MITF: variants seen among roughly 807,000 people sequenced by gnomAD.
MITF encodes the protein melanocyte inducing transcription factor, also known as microphthalmia-associated transcription factor.
In MITF, 17 loss-of-function variants were observed where a neutral mutation model predicts 60.5. The observed-to-expected ratio is 0.28, with a 90% CI of 0.19 to 0.42. The LOEUF (loss-of-function observed/expected upper bound fraction) is 0.42, where lower values mean the gene tolerates loss of function less well. MITF is among the 10% of genes least tolerant of loss of function. The pLI, the probability that MITF is intolerant of heterozygous loss-of-function variation, is 1.00. For synonymous variants in MITF, 260 were observed against 248.5 expected (o/e 1.05, Z -0.43); for missense variants, 622 against 683.5 (o/e 0.91, Z 1.00).
intron 1 of MITF, among the ~76,000 whole-genome samples, chr3:69,782,385 T>G (rs2062580058): frequency 6.6e-6 from 1 of 152,206 alleles, no homozygotes; most frequent in African/African-American, 2.4e-5. Flanking sequence ...TAGCTAACAT[T>G]TATTGAATGC....
At chr3:69,834,788 C>CT (rs966547864) in intron 1 of MITF, among the ~76,000 whole-genome samples, 15 of 150,802 alleles carry the variant, frequency 9.9e-5, no homozygotes. Flanking sequence ...TACAATCTCT[C>CT]TAACAGTGTG....
intron 1 of MITF, among the ~76,000 whole-genome samples, chr3:69,753,080 G>C (rs910872768): frequency 7.2e-5 from 11 of 152,224 alleles, no homozygotes; most frequent in African/African-American, 2.7e-4. Flanking sequence ...GAAGCCTAGG[G>C]GGACTGAGTC....
At chr3:69,805,946 C>CCA (rs2062998886) in intron 1 of MITF, among the ~76,000 whole-genome samples, 1 of 152,240 alleles carries the variant, frequency 6.6e-6, no homozygotes, top group African/African-American at 2.4e-5. Context: ...TAGGTATGAG[C>CCA]CACCATGCAT....
intron 1 of MITF, chr3:69,763,609 T>C (rs1484178376): frequency 8.2e-7 from 1 of 1,212,846 alleles, no homozygotes. Flanking sequence ...TGGCAGAACG[T>C]CTGCAATCGC....
intron 4 of MITF, 102 bp downstream of exon 4, chr3:69,939,283 ATT>A (rs2065916233): frequency 9.8e-7 from 1 of 1,017,116 alleles, no homozygotes; most frequent in African/African-American, 1.7e-5. Flanking sequence ...TTTTTCCCCC[ATT>A]GTTTTTTTTT....
intron 7 of MITF, among the ~76,000 whole-genome samples, chr3:69,953,604 T>A (rs954492382): frequency 6.8e-6 from 1 of 147,334 alleles, no homozygotes; most frequent in Admixed American, 6.9e-5. Context: ...TATATATGTA[T>A]GTATATGTAT....
chr3:69,855,171 C>T (rs2063894580), intron 1 of MITF, among the ~76,000 whole-genome samples: 1 of 151,112 alleles, frequency 6.6e-6, no homozygotes, highest in Non-Finnish European at 1.5e-5. Context: ...CCCTAAACCC[C>T]TCCTAATCCA....
chr3:69,750,501 T>G (rs1414018135), intron 1 of MITF, among the ~76,000 whole-genome samples: 1 of 150,900 alleles, frequency 6.6e-6, no homozygotes, highest in Non-Finnish European at 1.5e-5. Context: ...CTAAATGTAT[T>G]CTGATCTGGT....
chr3:69,793,383 A>C (rs774106153), intron 1 of MITF, among the ~76,000 whole-genome samples: 1 of 150,306 alleles, frequency 6.7e-6, no homozygotes, highest in Non-Finnish European at 1.5e-5. Context: ...TGTATAGTGA[A>C]GGATTTCTCA....
chr3:69,876,483 T>C (rs1018621695), intron 1 of MITF, among the ~76,000 whole-genome samples: 1 of 152,050 alleles, frequency 6.6e-6, no homozygotes, highest in African/African-American at 2.4e-5. Flanking sequence ...GAAGGTACAT[T>C]TGAGCTTTGA....
chr3:69,891,264 C>T (rs2064754098), intron 2 of MITF, among the ~76,000 whole-genome samples: 1 of 152,116 alleles, frequency 6.6e-6, no homozygotes, highest in East Asian at 1.9e-4. Context: ...TTATTGACAC[C>T]TGGGACTCCC....
intron 1 of MITF, among the ~76,000 whole-genome samples, chr3:69,807,441 G>A (rs956223606): frequency 2.0e-5 from 3 of 152,156 alleles, no homozygotes; most frequent in Admixed American, 6.5e-5. Flanking sequence ...AAGCAGATTC[G>A]TGAACTGTGC....
At chr3:69,829,068 G>C (rs2063403693) in intron 1 of MITF, among the ~76,000 whole-genome samples, 1 of 152,088 alleles carries the variant, frequency 6.6e-6, no homozygotes, top group Non-Finnish European at 1.5e-5. Flanking sequence ...TAGAAATAGA[G>C]TGTTCTGAAA....
chr3:69,788,676 C>T (rs2062691095), intron 1 of MITF, among the ~76,000 whole-genome samples: 1 of 152,154 alleles, frequency 6.6e-6, no homozygotes, highest in Non-Finnish European at 1.5e-5. Flanking sequence ...TTGAAGGACT[C>T]ACACTTTCTG....
intron 1 of MITF, among the ~76,000 whole-genome samples, chr3:69,751,327 G>A (rs759860691): frequency 3.9e-5 from 6 of 152,218 alleles, no homozygotes; most frequent in Admixed American, 1.3e-4. Flanking sequence ...TGACCAGCCA[G>A]CATCTGTTTT....
intron 7 of MITF, among the ~76,000 whole-genome samples, chr3:69,955,497 A>G (rs1375357602): frequency 6.6e-6 from 1 of 152,120 alleles, no homozygotes; most frequent in African/African-American, 2.4e-5. Context: ...CCCATGAGTT[A>G]AGAATGTTTT....
chr3:69,926,997 C>T (rs979954945), intron 2 of MITF, among the ~76,000 whole-genome samples: 18 of 152,214 alleles, frequency 1.2e-4, no homozygotes, highest in Middle Eastern at 6.8e-3. Context: ...CATGGAATGT[C>T]TAGCTTGTTT....
intron 4 of MITF, among the ~76,000 whole-genome samples, chr3:69,940,798 T>G (rs1576011288): frequency 6.6e-6 from 1 of 152,312 alleles, no homozygotes; most frequent in South Asian, 2.1e-4. Flanking sequence ...CTCTCCTGTT[T>G]AGGGCAGGCA....
intron 1 of MITF, among the ~76,000 whole-genome samples, chr3:69,768,311 G>A (rs2062334141): frequency 6.6e-6 from 1 of 152,172 alleles, no homozygotes; most frequent in African/African-American, 2.4e-5. Flanking sequence ...TATGGAGCAT[G>A]CTTGCATGTA....
Sources: allele counts gnomAD v4.1 joint callset (sites outside exome capture counted in the v4.1 genomes callset), GRCh38; gene constraint gnomAD v4.1.1; transcripts MANE v1.5; gene names NCBI Gene and HGNC (gene_info 2026-07-23, HGNC 2026-07-21).